The following CACNA1A variants were observed in gnomAD, a reference collection of about 807,000 sequenced individuals.
CACNA1A encodes the protein calcium voltage-gated channel subunit alpha1 A.
CACNA1A carries 57 observed loss-of-function variants against 262.4 expected under a neutral mutation model. That is an observed-to-expected ratio of 0.22 (90% CI 0.18 to 0.27). The LOEUF (loss-of-function observed/expected upper bound fraction) is 0.27, where lower values mean the gene tolerates loss of function less well. Among genes scored for constraint, CACNA1A ranks in the 10% least tolerant of loss-of-function variants. The pLI is 1.00. For missense variants in CACNA1A, 2,526 were observed against 3,562.8 expected, an observed-to-expected ratio of 0.71 and a Z score of 7.41; for synonymous variants, 1,431 against 1,419.3, an observed-to-expected ratio of 1.01 and a Z score of -0.18.
intron 3 of CACNA1A, among the ~76,000 whole-genome samples, chr19:13,427,441 A>C (rs933692861): frequency 1.4e-5 from 2 of 144,114 alleles, no homozygotes; most frequent in Non-Finnish European, 3.0e-5. Flanking sequence ...AAGAAGAGCG[A>C]AACTCCATCT....
chr19:13,263,860 T>C (rs1456871322), intron 24 of CACNA1A, among the ~76,000 whole-genome samples: 1 of 152,058 alleles, frequency 6.6e-6, no homozygotes, highest in Non-Finnish European at 1.5e-5. Flanking sequence ...AGTGGGCTCT[T>C]AAAAAAATGG....
intron 19 of CACNA1A, among the ~76,000 whole-genome samples, chr19:13,292,814 T>A (rs1002300099): frequency 2.0e-5 from 3 of 152,172 alleles, no homozygotes; most frequent in Non-Finnish European, 4.4e-5. Flanking sequence ...CCACTTTTTT[T>A]AAAGCAGATG....
chr19:13,332,043 C>T (rs1421757250), intron 9 of CACNA1A, among the ~76,000 whole-genome samples: 1 of 152,202 alleles, frequency 6.6e-6, no homozygotes, highest in Non-Finnish European at 1.5e-5. Context: ...CAGTCTGTCC[C>T]CTGACTCCCA....
At chr19:13,300,163 C>T (rs1310570476) in intron 18 of CACNA1A, among the ~76,000 whole-genome samples, 4 of 152,166 alleles carry the variant, frequency 2.6e-5, no homozygotes, top group Non-Finnish European at 5.9e-5. Flanking sequence ...CTGACAACTT[C>T]GTTTAAAATC....
chr19:13,330,224 TG>T lies in CACNA1A; in HGVS notation c.1345+19del. The T allele has an allele frequency of 6.6e-7, 1 of 1,516,324 alleles. No homozygotes were observed. The highest frequency in any genetic ancestry group is 9.0e-7 in the Non-Finnish European group (1 of 1,114,590). 93.9% of individuals were successfully genotyped at this position (1,516,324 alleles called of 1,614,324 possible). Reference sequence around the variant, plus strand: ...CGATAGGTGATGAACAACTGATAGGTGGCAGAGGAAGGGACTCACCCACAGA... The same window carrying T: ...CGATAGGTGATGAACAACTGATAGGTGCAGAGGAAGGGACTCACCCACAGA... On this transcript the variant is annotated intron_variant, in intron 10 of 46. Coordinates refer to ENST00000360228, the MANE Select transcript of CACNA1A (RefSeq NM_001127222.2).
chr19:13,234,886 G>A (rs549629361), intron 34 of CACNA1A, 35 bp downstream of exon 34: 27 of 1,460,254 alleles, frequency 1.8e-5, no homozygotes, highest in East Asian at 1.6e-4. Flanking sequence ...CCCACCCCAC[G>A]GAAACAGAAT....
intron 3 of CACNA1A, among the ~76,000 whole-genome samples, chr19:13,437,341 G>A (rs376293413): frequency 3.3e-5 from 5 of 152,142 alleles, no homozygotes; most frequent in South Asian, 2.1e-4. Flanking sequence ...TCTCTACGCC[G>A]GCCTCGGTTT....
chr19:13,225,883 T>TG (rs2055416689), intron 37 of CACNA1A: 1 of 152,136 alleles, frequency 6.6e-6, no homozygotes, highest in Non-Finnish European at 1.5e-5. Context: ...TTTGTAGAGA[T>TG]GGGGTCTCGC....
At chr19:13,323,843 C>T (rs555361540) in intron 10 of CACNA1A, among the ~76,000 whole-genome samples, 14 of 152,204 alleles carry the variant, frequency 9.2e-5, no homozygotes, top group East Asian at 3.9e-4. Context: ...AAATCATTCC[C>T]GAGACCAATG....
chr19:13,392,247 GA>G (rs1438800380), intron 3 of CACNA1A, among the ~76,000 whole-genome samples: 1 of 152,084 alleles, frequency 6.6e-6, no homozygotes, highest in African/African-American at 2.4e-5. Flanking sequence ...GAAAGAAAGA[GA>G]AGAATGGGAA....
At chr19:13,374,046 G>A (rs994680954) in intron 3 of CACNA1A, among the ~76,000 whole-genome samples, 2 of 152,148 alleles carry the variant, frequency 1.3e-5, no homozygotes, top group Admixed American at 6.6e-5. Flanking sequence ...CCATAGATGA[G>A]GGGGAGAAAT....
At chr19:13,346,043 C>T (rs1490929444) in intron 6 of CACNA1A, among the ~76,000 whole-genome samples, 3 of 152,062 alleles carry the variant, frequency 2.0e-5, no homozygotes, top group Non-Finnish European at 2.9e-5. Context: ...TGAGAGTACA[C>T]GCGTGCATGA....
intron 12 of CACNA1A, among the ~76,000 whole-genome samples, chr19:13,312,320 A>G (rs978509700): frequency 6.6e-6 from 1 of 152,220 alleles, no homozygotes; most frequent in Admixed American, 6.5e-5. Flanking sequence ...GAAGAAATAG[A>G]AATCATATTG....
At chr19:13,330,872 A>G (rs978907589) in intron 9 of CACNA1A, among the ~76,000 whole-genome samples, 27 of 152,112 alleles carry the variant, frequency 1.8e-4, no homozygotes, top group Non-Finnish European at 2.1e-4. Flanking sequence ...TACAGGCGTG[A>G]GCCGCCCCAC....
At chr19:13,270,536 G>A (rs1386984344) in intron 24 of CACNA1A, among the ~76,000 whole-genome samples, 1 of 152,208 alleles carries the variant, frequency 6.6e-6, no homozygotes, top group Non-Finnish European at 1.5e-5. Flanking sequence ...TAGGGTGAGA[G>A]ACCTTCTCAG....
chr19:13,431,628 C>G (rs2060505464), intron 3 of CACNA1A, among the ~76,000 whole-genome samples: 2 of 151,926 alleles, frequency 1.3e-5, no homozygotes, highest in Non-Finnish European at 2.9e-5. Context: ...ACCCAAATGT[C>G]CATCAGTAAA....
rs777806950 is a variant in CACNA1A at position 13,207,555 on chromosome 19, C to T, written c.7279G>A (p.Glu2427Lys). ...TCGTAGGCCCCGGCCATGGCCTCCT[C>T]GCCGCCCCCGCTGCCCGGGCCATCG... is the stretch of plus-strand genomic sequence containing the variant. The part of the protein sequence containing the change: ...EADGPGSGGG[E>K]EAMAGAYDAP... The change falls in exon 47 of 47, where the codon GAG becomes AAG. Residue 2427 changes from glutamate (E) to lysine (K), a missense_variant. Coordinates refer to ENST00000360228, the MANE Select transcript of CACNA1A (RefSeq NM_001127222.2). This position sits in a 1 kb window ranked among gnomAD's most constrained non-coding sequence, Gnocchi z 5.7. 29 of 1,462,466 alleles carry T rather than the reference C, an allele frequency of 2.0e-5. No homozygotes were observed. Among genetic ancestry groups the T allele is most frequent in the Admixed American group, 2.4e-5 (1 of 42,382 alleles). 90.6% of individuals were successfully genotyped at this position (1,462,466 alleles called of 1,614,324 possible). A position where few individuals can be genotyped will look rare whatever the true frequency, so the allele number is the denominator to read the frequency against.
intron 6 of CACNA1A, among the ~76,000 whole-genome samples, chr19:13,344,907 A>T (rs2058737736): frequency 6.6e-6 from 1 of 151,182 alleles, no homozygotes; most frequent in Non-Finnish European, 1.5e-5. Flanking sequence ...GGCACGCACC[A>T]CCACGCTCAG....
chr19:13,419,014 C>G (rs1307975397), intron 3 of CACNA1A, among the ~76,000 whole-genome samples: 1 of 152,192 alleles, frequency 6.6e-6, no homozygotes, highest in Non-Finnish European at 1.5e-5. Context: ...CTGCCTCAGC[C>G]TCCCGAATAG....
Sources: allele counts gnomAD v4.1 joint callset (sites outside exome capture counted in the v4.1 genomes callset), GRCh38; gene constraint gnomAD v4.1.1; non-coding constraint Gnocchi (gnomAD v3.1); transcripts MANE v1.5; gene names NCBI Gene and HGNC (gene_info 2026-07-23, HGNC 2026-07-21).